NRXN1: variants seen among roughly 807,000 people sequenced by gnomAD.
The protein encoded by NRXN1 is neurexin-1.
Under a neutral mutation model 150.9 loss-of-function variants are expected in NRXN1, and 39 were observed. The observed-to-expected ratio is 0.26, with a 90% CI of 0.20 to 0.34. The LOEUF is 0.34. NRXN1 is among the 10% of genes least tolerant of loss of function. The pLI is 1.00. For synonymous variants in NRXN1, 924 were observed against 757.0 expected (o/e 1.22, Z -3.62); for missense variants, 1,815 against 1,949.9 (o/e 0.93, Z 1.30).
intron 17 of NRXN1, among the ~76,000 whole-genome samples, chr2:50,295,845 T>G (rs937697443): frequency 1.3e-5 from 2 of 152,178 alleles, no homozygotes; most frequent in African/African-American, 2.4e-5. Flanking sequence ...AATTCTAAAT[T>G]TTTACTGCAC....
chr2:50,353,805 CCT>C (rs1306771055), intron 17 of NRXN1, among the ~76,000 whole-genome samples: 1 of 152,118 alleles, frequency 6.6e-6, no homozygotes, highest in Non-Finnish European at 1.5e-5. Context: ...ATTACCATAG[CCT>C]CTGTTTCTCT....
chr2:50,113,247 T>TG (rs1702608329), intron 18 of NRXN1, among the ~76,000 whole-genome samples: 1 of 152,218 alleles, frequency 6.6e-6, no homozygotes, highest in Non-Finnish European at 1.5e-5. Context: ...ATTAATTTCT[T>TG]CCTCTCCTGA....
chr2:49,922,381 T>C (rs763392906), intron 22 of NRXN1, 130 bp from the exon 23 acceptor site: 102 of 946,204 alleles, frequency 1.1e-4, no homozygotes, highest in Middle Eastern at 6.4e-4. Context: ...TATTGATAAA[T>C]GTAGCCATCC....
intron 5 of NRXN1, among the ~76,000 whole-genome samples, chr2:50,734,490 C>T (rs1360874897): frequency 1.3e-5 from 2 of 152,166 alleles, no homozygotes; most frequent in African/African-American, 4.8e-5. Context: ...CAATAAACAT[C>T]ATATTTATGA....
chr2:50,120,767 A>ATAG (rs565528726), intron 18 of NRXN1, among the ~76,000 whole-genome samples: 6 of 152,276 alleles, frequency 3.9e-5, no homozygotes, highest in Admixed American at 3.9e-4. Context: ...ATCTTTTCAC[A>ATAG]TATTATTAAA....
intron 18 of NRXN1, among the ~76,000 whole-genome samples, chr2:50,214,852 AT>A (rs1203200462): frequency 6.6e-6 from 1 of 151,988 alleles, no homozygotes; most frequent in Non-Finnish European, 1.5e-5. Context: ...GTTTCATTCG[AT>A]CTTCAGAATA....
At chr2:50,572,200 C>T (rs1450234530) in intron 8 of NRXN1, among the ~76,000 whole-genome samples, 1 of 152,180 alleles carries the variant, frequency 6.6e-6, no homozygotes, top group Non-Finnish European at 1.5e-5. Context: ...ACCCCATGTC[C>T]TGAAGGGCAT....
At chr2:50,718,955 G>C (rs1696246373) in intron 5 of NRXN1, among the ~76,000 whole-genome samples, 1 of 150,652 alleles carries the variant, frequency 6.6e-6, no homozygotes, top group African/African-American at 2.5e-5. Flanking sequence ...AAATATGTTA[G>C]TTTGCATATA....
chr2:50,244,323 G>A (rs1207585074), intron 17 of NRXN1, among the ~76,000 whole-genome samples: 1 of 151,768 alleles, frequency 6.6e-6, no homozygotes, highest in Non-Finnish European at 1.5e-5. Flanking sequence ...ACCAATAGCA[G>A]CAAAGACTGC....
intron 16 of NRXN1, chr2:50,466,469 TCAG>T: frequency 2.1e-6 from 1 of 473,378 alleles, no homozygotes; most frequent in Non-Finnish European, 4.4e-6. Context: ...ACCTTGCAAG[TCAG>T]CTTTCATCAA....
rs181146666 is a variant in NRXN1 at position 50,324,094 on chromosome 2, G to A, written c.3365-87124C>T. ...TTTGAACTTACTTTTGTAGGGGTGAGAAGAAAGCAATACTTAGCAAAACTA... is the reference window on the plus strand; with the variant it reads ...TTTGAACTTACTTTTGTAGGGGTGAAAAGAAAGCAATACTTAGCAAAACTA... On this transcript the variant is annotated intron_variant, in intron 17 of 22. Coordinates refer to ENST00000401669, the MANE Select transcript of NRXN1 (RefSeq NM_001330078.2). Among the ~76,000 whole-genome samples, 31 of 152,318 alleles carry A rather than the reference G, an allele frequency of 2.0e-4. No homozygotes were observed. The East Asian group carries it at 4.4e-3, about 22-fold the overall frequency.
intron 2 of NRXN1, among the ~76,000 whole-genome samples, chr2:50,932,962 T>G (rs2104409601): frequency 6.6e-6 from 1 of 152,152 alleles, no homozygotes; most frequent in African/African-American, 2.4e-5. Context: ...ACTGCTTAAT[T>G]TCCTTTATTA....
At chr2:50,454,917 G>C (rs547324364) in intron 17 of NRXN1, among the ~76,000 whole-genome samples, 2 of 152,254 alleles carry the variant, frequency 1.3e-5, no homozygotes, top group South Asian at 2.1e-4. Context: ...CACTACTCTG[G>C]ATGAACTTGA....
chr2:50,085,750 T>G (rs990076293), intron 19 of NRXN1, among the ~76,000 whole-genome samples: 5 of 152,096 alleles, frequency 3.3e-5, no homozygotes, highest in Non-Finnish European at 7.4e-5. Flanking sequence ...TAAATACCCA[T>G]AAGATAGTCT....
intron 17 of NRXN1, among the ~76,000 whole-genome samples, chr2:50,447,675 C>A (rs2086553140): frequency 7.3e-6 from 1 of 136,174 alleles, no homozygotes; most frequent in African/African-American, 2.9e-5. Flanking sequence ...AGCTAATATT[C>A]ACCTGTGTGA....
At chr2:50,149,761 G>A (rs372795068) in intron 18 of NRXN1, among the ~76,000 whole-genome samples, 185 of 151,552 alleles carry the variant, frequency 1.2e-3, no homozygotes, top group African/African-American at 4.3e-3. Flanking sequence ...GTTGAATATT[G>A]ATTGGATTCT....
intron 8 of NRXN1, among the ~76,000 whole-genome samples, chr2:50,582,478 CAAAAAAAAA>C (rs56941425): frequency 1.4e-4 from 6 of 44,204 alleles, no homozygotes; most frequent in African/African-American, 5.6e-4. Flanking sequence ...GACTCGTCTC[CAAAAAAAAA>C]AAAAAAAAAA....
In NRXN1 at chr2:50,818,192, G is replaced by GTT. The variant is rs369379043; in HGVS notation, c.832+103675_832+103676dup. Among the ~76,000 whole-genome samples, 14 of 135,790 alleles carry GTT rather than the reference G, an allele frequency of 1.0e-4. 1 individual carries two copies. In the South Asian group the frequency reaches 1.9e-3, roughly 19 times the overall value. The allele number at this position is 135,790 out of a possible 152,430, so 89.1% of individuals were successfully genotyped here. On this transcript the variant is annotated intron_variant, in intron 5 of 22. Coordinates refer to ENST00000401669, the MANE Select transcript of NRXN1 (RefSeq NM_001330078.2). ...ACAAAGTCAACATACAAAAACAATT[G>GTT]TTTTTTTTTTTATTCCTGAAAAAAA...
intron 18 of NRXN1, among the ~76,000 whole-genome samples, chr2:50,179,652 T>A (rs1230670117): frequency 1.3e-5 from 2 of 152,144 alleles, no homozygotes; most frequent in Non-Finnish European, 2.9e-5. Context: ...ATGCTACCAA[T>A]CTATGACCCC....
Sources: allele counts gnomAD v4.1 joint callset (sites outside exome capture counted in the v4.1 genomes callset), GRCh38; gene constraint gnomAD v4.1.1; transcripts MANE v1.5; gene names NCBI Gene and HGNC (gene_info 2026-07-23, HGNC 2026-07-21).